FIP1L1: variants seen among roughly 807,000 people sequenced by gnomAD.
The protein encoded by FIP1L1 is factor interacting with PAPOLA and CPSF1.
Under a neutral mutation model 84.6 loss-of-function variants are expected in FIP1L1, and 21 were observed. The observed-to-expected ratio is 0.25, with a 90% confidence interval of 0.18 to 0.36. The LOEUF is 0.36. FIP1L1 is among the 10% of genes least tolerant of loss of function. The pLI, the probability that FIP1L1 is intolerant of heterozygous loss-of-function variation, is 1.00. For synonymous variants in FIP1L1, 263 were observed against 242.3 expected, an observed-to-expected ratio of 1.09 and a Z score of -0.80; for missense variants, 526 against 751.1, an observed-to-expected ratio of 0.70 and a Z score of 3.50.
rs13150432 is a variant in FIP1L1, at chr4:53,437,300, A to C, written c.1175-5353A>C. 2.2e-5 allele frequency among the ~76,000 whole-genome samples: 3 copies of C among 139,092 alleles called. No individual in the cohort carries two copies. In the South Asian group the frequency reaches 7.2e-4, roughly 33 times the overall value. 91.2% of individuals were successfully genotyped at this position (139,092 alleles called of 152,430 possible). On this transcript the variant is annotated intron_variant, in intron 13 of 17. Transcript: ENST00000337488. The stretch of plus-strand genomic sequence containing the variant: ...GCCGTGGTCATGCCACTCACCCTAC[A>C]CAACAGTGTGAGACCCTGTCTCAAC...
At chr4:53,431,552 TGATGA>T (rs1183211413) in intron 13 of FIP1L1, among the ~76,000 whole-genome samples, 6 of 152,334 alleles carry the variant, frequency 3.9e-5, no homozygotes, top group East Asian at 1.9e-4. Flanking sequence ...GTCCAAAATA[TGATGA>T]GATAAGTATA....
At chr4:53,447,940 C>G (rs1774898266) in intron 15 of FIP1L1, among the ~76,000 whole-genome samples, 1 of 151,918 alleles carries the variant, frequency 6.6e-6, no homozygotes, top group African/African-American at 2.4e-5. Flanking sequence ...TGTGTTGGCT[C>G]TCAGAAAACT....
chr4:53,393,371 C>T (rs1263468895), intron 9 of FIP1L1, among the ~76,000 whole-genome samples: 2 of 152,132 alleles, frequency 1.3e-5, no homozygotes, highest in African/African-American at 4.8e-5. Flanking sequence ...TGAGACAGCC[C>T]ATCAGCCTCT....
chr4:53,396,499 G>A (rs964159119), intron 9 of FIP1L1, among the ~76,000 whole-genome samples: 1 of 151,952 alleles, frequency 6.6e-6, no homozygotes, highest in African/African-American at 2.4e-5. Flanking sequence ...TCCACCTCCC[G>A]GGTTCAAGCA....
At chr4:53,418,340 A>G (rs1031351808) in intron 11 of FIP1L1, among the ~76,000 whole-genome samples, 1 of 152,212 alleles carries the variant, frequency 6.6e-6, no homozygotes, top group African/African-American at 2.4e-5. Flanking sequence ...TGGCCTTATC[A>G]TATGCTAGTT....
chr4:53,407,987 C>T (rs139595807), intron 10 of FIP1L1, among the ~76,000 whole-genome samples: 1 of 152,150 alleles, frequency 6.6e-6, no homozygotes, highest in Non-Finnish European at 1.5e-5. Context: ...GCATTTAGTT[C>T]ATTTACATTT....
intron 10 of FIP1L1, among the ~76,000 whole-genome samples, chr4:53,408,318 T>C (rs1292365916): frequency 6.6e-6 from 1 of 152,228 alleles, no homozygotes; most frequent in East Asian, 1.9e-4. Flanking sequence ...TGTTGAATAT[T>C]GGCCCCCACT....
rs544839127 is a variant in FIP1L1 at position 53,410,413 on chromosome 4, A to G, written c.816-4202A>G. The stretch of plus-strand genomic sequence containing the variant: ...CTTAGTTGGTCATTGTCAACTTCCA[A>G]TGACCAGCCAAGGTTCTCGTTTCCT... On this transcript the variant is annotated intron_variant, in intron 10 of 17. Coordinates refer to ENST00000337488, the MANE Select transcript of FIP1L1 (RefSeq NM_030917.4). Among the ~76,000 whole-genome samples the G allele has an allele frequency of 8.5e-5, 13 of 152,316 alleles. No homozygotes were observed. The South Asian group carries it at 2.3e-3, about 27-fold the overall frequency.
At chr4:53,389,078 G>A (rs541366401) in intron 5 of FIP1L1, among the ~76,000 whole-genome samples, 55 of 152,252 alleles carry the variant, frequency 3.6e-4, no homozygotes, top group African/African-American at 1.3e-3. Flanking sequence ...TGGCATCCTA[G>A]AAGTTTCTCT....
At chr4:53,386,682 T>C (rs995130488) in intron 5 of FIP1L1, among the ~76,000 whole-genome samples, 1 of 152,144 alleles carries the variant, frequency 6.6e-6, no homozygotes, top group African/African-American at 2.4e-5. Flanking sequence ...ATGCGTGCCT[T>C]GGAGGAAGTA....
intron 15 of FIP1L1, among the ~76,000 whole-genome samples, chr4:53,448,880 T>TA (rs1775290576): frequency 6.6e-6 from 1 of 152,156 alleles, no homozygotes; most frequent in Non-Finnish European, 1.5e-5. Context: ...AGTCCTTAGG[T>TA]ACCTAATGTT....
chr4:53,459,412 C>T lies in FIP1L1; in HGVS notation c.1748C>T (p.Pro583Leu). 2.5e-6 allele frequency: 4 copies of T among 1,612,492 alleles called. No individual in the cohort carries two copies. Among genetic ancestry groups the T allele is most frequent in the Non-Finnish European group, 3.4e-6 (4 of 1,179,400 alleles). Residue 583 changes from proline to leucine, a missense_variant, in exon 18 of 18, where the codon CCT becomes CTT. By Grantham distance (98) the Pro-to-Leu change is moderately conservative. Around this residue, in one of 6 missense-constraint regions of FIP1L1, gnomAD observed 89 missense variants for 169.0 expected, o/e 0.53. Coordinates refer to ENST00000337488, the MANE Select transcript of FIP1L1 (RefSeq NM_030917.4). The stretch of plus-strand genomic sequence containing the variant: ...AAAGAAGCGGGCAGTGAGCCTGCCC[C>T]TGAACAGGAGAGCACCGAAGCTACA... ...EGKEAGSEPA[P>L]EQESTEATPA... is the part of the protein sequence containing the mutation.
chr4:53,416,720 TTTGGGAGACCGAGG>T (rs1304662882), intron 11 of FIP1L1, among the ~76,000 whole-genome samples: 1 of 152,140 alleles, frequency 6.6e-6, no homozygotes, highest in Non-Finnish European at 1.5e-5. Context: ...ATCCCAGCAC[TTTGGGAGACCGAGG>T]CAGGTGGATA....
chr4:53,384,785 G>A (rs2054591), intron 5 of FIP1L1, among the ~76,000 whole-genome samples: 19,782 of 152,120 alleles, frequency 0.13, 2,562 homozygotes, highest in African/African-American at 0.32. Flanking sequence ...GAGTCAATGT[G>A]TTTTGTTTTT....
intron 13 of FIP1L1, among the ~76,000 whole-genome samples, chr4:53,433,713 G>A (rs1767780576): frequency 6.6e-6 from 1 of 152,132 alleles, no homozygotes; most frequent in African/African-American, 2.4e-5. Context: ...CCCAACTACT[G>A]TGGACCACAA....
chr4:53,431,613 GT>G (rs2150065759), intron 13 of FIP1L1, among the ~76,000 whole-genome samples: 1 of 878 alleles, frequency 1.1e-3, no homozygotes, highest in Non-Finnish European at 3.1e-3. Context: ...CTAGATTTTT[GT>G]TTTGTTTTGT....
At position 53,425,070 on chromosome 4, in the gene FIP1L1, C is replaced by T. The variant is rs187278741; in HGVS notation, c.924-802C>T. 1.1e-4 allele frequency among the ~76,000 whole-genome samples: 17 copies of T among 152,178 alleles called. No individual in the cohort carries two copies. The East Asian group carries it at 3.3e-3, about 29-fold the overall frequency. Reference sequence around the variant, plus strand: ...GTTTTAAAGGCAGTATTGTTCAGAACTGAAATATAGATGAAGAGAAATTCA... The same window carrying T: ...GTTTTAAAGGCAGTATTGTTCAGAATTGAAATATAGATGAAGAGAAATTCA... On this transcript the variant is annotated intron_variant, in intron 11 of 17. Coordinates refer to ENST00000337488, the MANE Select transcript of FIP1L1 (RefSeq NM_030917.4).
At chr4:53,405,103 T>C (rs1343994586) in intron 10 of FIP1L1, among the ~76,000 whole-genome samples, 2 of 152,344 alleles carry the variant, frequency 1.3e-5, no homozygotes, top group South Asian at 2.1e-4. Flanking sequence ...TCCTGAATGG[T>C]AATGCCTAGG....
intron 13 of FIP1L1, among the ~76,000 whole-genome samples, chr4:53,435,279 G>A (rs569788692): frequency 6.6e-6 from 1 of 152,226 alleles, no homozygotes; most frequent in African/African-American, 2.4e-5. Flanking sequence ...TTAGGATGTT[G>A]ATTTTTGAAT....
Sources: gnomAD v4.1 joint callset for allele counts (sites outside exome capture counted in the v4.1 genomes callset) on GRCh38, gnomAD v4.1.1 for gene constraint, gnomAD v4.1.1 regional missense constraint, MANE v1.5 for transcripts, NCBI Gene and HGNC (gene_info 2026-07-23, HGNC 2026-07-21) for gene names.